MBTPS1: variants seen among roughly 807,000 people sequenced by gnomAD.
MBTPS1 encodes membrane bound transcription factor peptidase, site 1, also known as membrane-bound transcription factor site-1 protease.
A neutral mutation model predicts 127.8 loss-of-function variants in MBTPS1; 94 were observed. The ratio of observed to expected loss-of-function variants is 0.74; its 90% CI spans 0.62 to 0.87. The LOEUF (loss-of-function observed/expected upper bound fraction) is 0.87, where lower values mean the gene tolerates loss of function less well. Ranked by LOEUF, MBTPS1 falls within the 40% of genes least tolerant of loss-of-function variation. The probability of loss-of-function intolerance (pLI) is 0.00; values close to 1 mark genes in which losing one functional copy is unlikely to be tolerated. For synonymous variants in MBTPS1, 632 were observed against 509.4 expected (o/e 1.24, Z -3.24); for missense variants, 1,636 against 1,353.2 (o/e 1.21, Z -3.28).
At chr16:84,088,661 A>G (rs112908283) in intron 8 of MBTPS1, among the ~76,000 whole-genome samples, 60 of 152,332 alleles carry the variant, frequency 3.9e-4, no homozygotes, top group African/African-American at 1.3e-3. Context: ...TGCTGGCACC[A>G]CAGAGTCTAG....
intron 19 of MBTPS1, among the ~76,000 whole-genome samples, chr16:84,062,533 G>C (rs78209844): frequency 0.019 from 2,885 of 152,310 alleles, 36 homozygotes; most frequent in Non-Finnish European, 0.031. Flanking sequence ...AGCGCACGCT[G>C]TTAGTGCCTC....
intron 10 of MBTPS1, among the ~76,000 whole-genome samples, chr16:84,084,778 T>G (rs921085052): frequency 3.3e-5 from 5 of 152,258 alleles, no homozygotes; most frequent in Non-Finnish European, 7.3e-5. Context: ...TTATAAAGTG[T>G]GTTCACATTC....
chr16:84,104,978 T>C (rs1392518966), intron 1 of MBTPS1, among the ~76,000 whole-genome samples: 1 of 151,934 alleles, frequency 6.6e-6, no homozygotes, highest in Non-Finnish European at 1.5e-5. Flanking sequence ...GGTGCATGCC[T>C]GTAATCCCAA....
chr16:84,115,786 A>C (rs1035219555), intron 1 of MBTPS1, among the ~76,000 whole-genome samples: 9 of 152,212 alleles, frequency 5.9e-5, no homozygotes, highest in African/African-American at 9.6e-5. Context: ...GAAATGTTCT[A>C]AAAGTGGATT....
chr16:84,087,507 A>G (rs2086047494), intron 8 of MBTPS1, 47 bp from the exon 9 acceptor site: 2 of 1,232,926 alleles, frequency 1.6e-6, no homozygotes, highest in Admixed American at 4.1e-5. Flanking sequence ...AAAGAAAAAA[A>G]CAAGAGAAAT....
intron 19 of MBTPS1, 114 bp downstream of exon 19, chr16:84,063,191 T>A (rs2085638432): frequency 1.8e-6 from 2 of 1,122,942 alleles, no homozygotes; most frequent in South Asian, 3.1e-5. Context: ...TGAGCCTGGC[T>A]CAAGTGAACA....
chr16:84,090,013 C>T (rs1448975831), intron 8 of MBTPS1, among the ~76,000 whole-genome samples: 1 of 152,146 alleles, frequency 6.6e-6, no homozygotes, highest in Non-Finnish European at 1.5e-5. Context: ...AAATCCAGAA[C>T]CCTGGACCTC....
intron 12 of MBTPS1, among the ~76,000 whole-genome samples, chr16:84,072,762 C>G (rs970954487): frequency 1.3e-5 from 2 of 152,156 alleles, no homozygotes; most frequent in Non-Finnish European, 2.9e-5. Context: ...TGCACTCAAG[C>G]CTGGGAGAGA....
At chr16:84,075,966 T>A (rs1217784684) in intron 11 of MBTPS1, among the ~76,000 whole-genome samples, 2 of 152,224 alleles carry the variant, frequency 1.3e-5, no homozygotes, top group African/African-American at 4.8e-5. Context: ...AATGTGTTTG[T>A]AAACTTTGCT....
intron 11 of MBTPS1, among the ~76,000 whole-genome samples, chr16:84,081,352 T>C (rs893564557): frequency 6.6e-6 from 1 of 152,234 alleles, no homozygotes; most frequent in Non-Finnish European, 1.5e-5. Context: ...AGTGTTTGTA[T>C]GACAGTTTTA....
chr16:84,083,735 T>C (rs989137880), intron 10 of MBTPS1, among the ~76,000 whole-genome samples: 2 of 152,244 alleles, frequency 1.3e-5, no homozygotes, highest in Non-Finnish European at 2.9e-5. Flanking sequence ...TAAATTAGCA[T>C]AGAATAACTT....
At chr16:84,086,381 C>G (rs180977927) in intron 9 of MBTPS1, 144 of 152,604 alleles carry the variant, frequency 9.4e-4, no homozygotes, top group African/African-American at 3.4e-3. Flanking sequence ...TCCGGCAGCA[C>G]AAGGAACATG....
chr16:84,056,427 C>T (rs181557138), intron 21 of MBTPS1: 43 of 263,408 alleles, frequency 1.6e-4, no homozygotes, highest in African/African-American at 5.3e-4. Context: ...CCAAGCGCCT[C>T]GGGAGGACAC....
chr16:84,111,928 C>T (rs1183097587), intron 1 of MBTPS1, among the ~76,000 whole-genome samples: 1 of 150,304 alleles, frequency 6.7e-6, no homozygotes, highest in Non-Finnish European at 1.5e-5. Context: ...CAGCTGGGTG[C>T]GGTGGCTCAT....
rs907703579 is a variant in MBTPS1 at position 84,063,229 on chromosome 16, C to T, written c.2572+76G>A. The T allele has an allele frequency of 8.1e-5, 122 of 1,502,264 alleles. 1 individual carries two copies. In the South Asian group the frequency reaches 1.2e-3, roughly 15 times the overall value. The allele number at this position is 1,502,264 out of a possible 1,614,324, so 93.1% of individuals were successfully genotyped here. A position where few individuals can be genotyped will look rare whatever the true frequency, so the allele number is the denominator to read the frequency against. ...TGTCGGCTGATCTGCCAGCATCTCA[C>T]GGGCGCCTTTCCAGAGACAAAGGGA... On this transcript the variant is annotated intron_variant, in intron 19 of 22. Coordinates refer to ENST00000343411, the MANE Select transcript of MBTPS1 (RefSeq NM_003791.4).
chr16:84,097,740 G>A (rs910688691), intron 3 of MBTPS1, among the ~76,000 whole-genome samples: 1 of 152,120 alleles, frequency 6.6e-6, no homozygotes, highest in African/African-American at 2.4e-5. Flanking sequence ...TTTTTAAGGA[G>A]AATAATACAT....
intron 12 of MBTPS1, among the ~76,000 whole-genome samples, chr16:84,071,297 C>T (rs1389979890): frequency 6.6e-6 from 1 of 152,166 alleles, no homozygotes; most frequent in African/African-American, 2.4e-5. Context: ...GGGAGAAAAG[C>T]AGAAAGGGAA....
rs367826539 is a variant in MBTPS1 at position 84,101,796 on chromosome 16, A to G, written c.-13T>C. 6.2e-7 allele frequency: 1 copy of G among 1,600,008 alleles called. No homozygotes were observed. Among genetic ancestry groups the G allele is most frequent in the African/African-American group, 1.3e-5 (1 of 74,306 alleles). On this transcript the variant is annotated 5_prime_UTR_variant, in exon 2 of 23. Coordinates refer to ENST00000343411, the MANE Select transcript of MBTPS1 (RefSeq NM_003791.4). ...TGACAAGCTTCATGGTCACAAGCGA[A>G]TATGATCATAAAATTGCATATATTC...
rs1339675362 is a variant in MBTPS1 at position 84,090,899 on chromosome 16, A to G, written c.1007T>C (p.Ile336Thr). ...TANNVIMVSA[I>T]GNDGPLYGTL... ...CCCATAAAGAGGTCCGTCATTGCCA[A>G]TAGCAGAAACCATGATTACATTGTT... is the stretch of plus-strand genomic sequence containing the variant. The change falls in exon 8 of 23, where the codon ATT (isoleucine) becomes ACT (threonine). Residue 336 changes from isoleucine (I) to threonine (T), a missense_variant. Ile to Thr is a moderately conservative substitution (Grantham distance 89, BLOSUM62 -1). Transcript: ENST00000343411. 7 of 1,613,536 alleles carry G rather than the reference A, an allele frequency of 4.3e-6. No individual in the cohort carries two copies. The highest frequency in any genetic ancestry group is 5.1e-6 in the Non-Finnish European group (6 of 1,179,798).
Sources: allele counts gnomAD v4.1 joint callset (sites outside exome capture counted in the v4.1 genomes callset), GRCh38; gene constraint gnomAD v4.1.1; transcripts MANE v1.5; gene names NCBI Gene and HGNC (gene_info 2026-07-23, HGNC 2026-07-21).